DPP10: variants seen among roughly 807,000 people sequenced by gnomAD.
The protein encoded by DPP10 is inactive dipeptidyl peptidase 10.
A neutral mutation model predicts 120.9 loss-of-function variants in DPP10; 33 were observed. That is an observed-to-expected ratio of 0.27 (90% CI 0.21 to 0.37). The LOEUF is 0.37. Among genes scored for constraint, DPP10 ranks in the 10% least tolerant of loss-of-function variants. The pLI, the probability that DPP10 is intolerant of heterozygous loss-of-function variation, is 1.00. For synonymous variants in DPP10, 337 were observed against 326.1 expected (o/e 1.03, Z -0.36); for missense variants, 816 against 942.8 (o/e 0.87, Z 1.76).
At chr2:115,512,201 A>T (rs1364368926) in intron 4 of DPP10, among the ~76,000 whole-genome samples, 1 of 152,040 alleles carries the variant, frequency 6.6e-6, no homozygotes, top group Non-Finnish European at 1.5e-5. Flanking sequence ...CCCAGGCTTA[A>T]GCAACCTTCC....
At position 114,536,437 on chromosome 2, in the gene DPP10, G is replaced by A. The variant is rs111996380; in HGVS notation, c.60+93599G>A. On this transcript the variant is annotated intron_variant, in intron 1 of 25. Coordinates refer to ENST00000410059, the MANE Select transcript of DPP10 (RefSeq NM_020868.6). ...TTTTTTTTTTTTGAGACGTAGTCTCGCTCTGTCACCCCGGCTGGAGTGCAG... is the reference window on the plus strand; with the variant it reads ...TTTTTTTTTTTTGAGACGTAGTCTCACTCTGTCACCCCGGCTGGAGTGCAG... Among the ~76,000 whole-genome samples the A allele has an allele frequency of 3.8e-3, 453 of 120,336 alleles. 3 individuals are homozygous for A. The highest frequency in any genetic ancestry group is 0.013 in the African/African-American group (410 of 30,614). 78.9% of individuals were successfully genotyped at this position (120,336 alleles called of 152,430 possible).
chr2:114,609,723 T>C (rs778446446), intron 1 of DPP10, among the ~76,000 whole-genome samples: 1 of 152,158 alleles, frequency 6.6e-6, no homozygotes, highest in African/African-American at 2.4e-5. Flanking sequence ...TAATTCCTAA[T>C]GGAAAGGGTT....
intron 1 of DPP10, among the ~76,000 whole-genome samples, chr2:114,922,691 A>G (rs1695285242): frequency 6.6e-6 from 1 of 151,826 alleles, no homozygotes; most frequent in East Asian, 1.9e-4. Flanking sequence ...TACTTTCAAT[A>G]TTTTTTTTCA....
At chr2:114,881,453 G>GTCTGTCTA (rs1553447162) in intron 1 of DPP10, among the ~76,000 whole-genome samples, 1 of 44,848 alleles carries the variant, frequency 2.2e-5, no homozygotes, top group African/African-American at 6.5e-5. Context: ...CTGTCTGTCT[G>GTCTGTCTA]TCTGTCTATC....
At chr2:115,672,281 T>C (rs2089933341) in intron 5 of DPP10, among the ~76,000 whole-genome samples, 1 of 152,176 alleles carries the variant, frequency 6.6e-6, no homozygotes. Flanking sequence ...TTTGGTATCT[T>C]GGTGTCATAT....
intron 1 of DPP10, among the ~76,000 whole-genome samples, chr2:114,600,723 G>C (rs1692290781): frequency 6.6e-6 from 1 of 151,802 alleles, no homozygotes; most frequent in Non-Finnish European, 1.5e-5. Flanking sequence ...AGTTGGTGTA[G>C]AATAGAAACC....
chr2:114,800,940 A>G (rs1015632968), intron 1 of DPP10, among the ~76,000 whole-genome samples: 2 of 19,512 alleles, frequency 1.0e-4, no homozygotes, highest in African/African-American at 1.9e-4. Flanking sequence ...ATGGGAATTA[A>G]AAAAAAAAAA....
In DPP10 at chr2:115,537,139, C is replaced by T. The variant is rs191520109; in HGVS notation, c.441+11167C>T. ...TGCAGGTTCCAACCTTCTTCTTTAG[C>T]TTTGCATTCATTTACAACATACAGG... is the stretch of plus-strand genomic sequence containing the variant. On this transcript the variant is annotated intron_variant, in intron 5 of 25. Transcript: ENST00000410059. 7.7e-3 allele frequency among the ~76,000 whole-genome samples: 1,177 copies of T among 152,132 alleles called. 10 individuals are homozygous for T. Among genetic ancestry groups the T allele is most frequent in the Middle Eastern group, 0.024 (7 of 294 alleles).
chr2:115,290,617 T>G (rs913535781), intron 1 of DPP10, among the ~76,000 whole-genome samples: 1 of 152,046 alleles, frequency 6.6e-6, no homozygotes, highest in Non-Finnish European at 1.5e-5. Flanking sequence ...AGCTGAAAAA[T>G]TGAAAATAAA....
chr2:114,579,918 G>A (rs889273503), intron 1 of DPP10, among the ~76,000 whole-genome samples: 37 of 152,202 alleles, frequency 2.4e-4, no homozygotes, highest in Non-Finnish European at 3.8e-4. Context: ...TGACAAGGAT[G>A]TAGGCAGCTG....
intron 1 of DPP10, among the ~76,000 whole-genome samples, chr2:114,816,180 C>T (rs1685628579): frequency 6.6e-6 from 1 of 152,172 alleles, no homozygotes; most frequent in Non-Finnish European, 1.5e-5. Context: ...ATGTTCCTCC[C>T]TTTGTTAGCC....
intron 1 of DPP10, among the ~76,000 whole-genome samples, chr2:114,926,640 C>T (rs1286647913): frequency 6.6e-6 from 1 of 152,150 alleles, no homozygotes; most frequent in Non-Finnish European, 1.5e-5. Context: ...TACTTTCCCC[C>T]TCTGGGAGAG....
At chr2:115,805,083 T>C (rs1156452910) in intron 19 of DPP10, among the ~76,000 whole-genome samples, 2 of 152,174 alleles carry the variant, frequency 1.3e-5, no homozygotes, top group Non-Finnish European at 2.9e-5. Context: ...CTCCACCCAG[T>C]TGGAGCTTCT....
At chr2:115,262,385 AAT>A (rs1247248587) in intron 1 of DPP10, among the ~76,000 whole-genome samples, 2 of 151,874 alleles carry the variant, frequency 1.3e-5, no homozygotes, top group Admixed American at 6.6e-5. Context: ...TTTATTTTAA[AAT>A]ATGTTCTCAT....
chr2:114,695,659 C>G (rs1213707984), intron 1 of DPP10, among the ~76,000 whole-genome samples: 4 of 151,962 alleles, frequency 2.6e-5, no homozygotes, highest in Non-Finnish European at 5.9e-5. Context: ...GAAGCAATTC[C>G]CTTTTATCTT....
chr2:115,354,859 G>T (rs575297484), intron 3 of DPP10, among the ~76,000 whole-genome samples: 1 of 152,186 alleles, frequency 6.6e-6, no homozygotes, highest in East Asian at 1.9e-4. Context: ...CTTCATCCAT[G>T]TCCCTGCAAA....
chr2:115,300,292 G>A (rs2061068337), intron 1 of DPP10, among the ~76,000 whole-genome samples: 1 of 151,900 alleles, frequency 6.6e-6, no homozygotes, highest in Non-Finnish European at 1.5e-5. Flanking sequence ...TTGACTACTC[G>A]ACGCACGTCG....
chr2:114,581,293 C>T (rs867118093), intron 1 of DPP10, among the ~76,000 whole-genome samples: 1 of 147,250 alleles, frequency 6.8e-6, no homozygotes, highest in Non-Finnish European at 1.5e-5. Context: ...ACGCCATTCT[C>T]CTGCCTCAGC....
intron 1 of DPP10, among the ~76,000 whole-genome samples, chr2:114,734,621 A>C (rs967981500): frequency 1.3e-5 from 2 of 152,228 alleles, no homozygotes; most frequent in African/African-American, 4.8e-5. Flanking sequence ...GCTGTGTCAC[A>C]GGCCATGGTC....
Sources: allele counts gnomAD v4.1 joint callset (sites outside exome capture counted in the v4.1 genomes callset), GRCh38; gene constraint gnomAD v4.1.1; transcripts MANE v1.5; gene names NCBI Gene and HGNC (gene_info 2026-07-23, HGNC 2026-07-21).